The following ASTN1 variants were observed in gnomAD, a reference collection of about 807,000 sequenced individuals.
The protein encoded by ASTN1 is astrotactin 1.
Under a neutral mutation model 140.7 loss-of-function variants are expected in ASTN1, and 41 were observed. The observed-to-expected ratio is 0.29, with a 90% confidence interval of 0.23 to 0.38. ASTN1 has a LOEUF of 0.38. Ranked by LOEUF, ASTN1 falls within the 10% of genes least tolerant of loss-of-function variation. The pLI is 1.00. For missense variants in ASTN1, 1,479 were observed against 1,678.8 expected (o/e 0.88, Z 2.08); for synonymous variants, 640 against 652.2 (o/e 0.98, Z 0.29).
chr1:176,860,573 C>A (rs1229881773), downstream of ASTN1, among the ~76,000 whole-genome samples: 2 of 152,200 alleles, frequency 1.3e-5, no homozygotes, highest in Non-Finnish European at 2.9e-5. Context: ...CTACACAGTG[C>A]AAGACAGGAA....
intron 1 of ASTN1, among the ~76,000 whole-genome samples, chr1:177,147,365 A>G (rs1682766602): frequency 6.6e-6 from 1 of 152,232 alleles, no homozygotes; most frequent in Admixed American, 6.5e-5. Flanking sequence ...CATGCCAAAC[A>G]GCACTGTGCC....
chr1:177,131,914 G>T (rs1375785458), intron 1 of ASTN1, among the ~76,000 whole-genome samples: 1 of 152,042 alleles, frequency 6.6e-6, no homozygotes, highest in Non-Finnish European at 1.5e-5. Flanking sequence ...CAGCTTCTGT[G>T]GGAACTAATA....
intron 1 of ASTN1, among the ~76,000 whole-genome samples, chr1:177,131,534 T>A (rs1230758528): frequency 6.6e-6 from 1 of 152,150 alleles, no homozygotes; most frequent in Non-Finnish European, 1.5e-5. Flanking sequence ...AATTACATTT[T>A]TTTTTTAGAT....
Position 177,164,387 on chromosome 1 carries a change from G to C in ASTN1, c.283+7C>G. 1 of 1,581,104 alleles carries C rather than the reference G, an allele frequency of 6.3e-7. No individual in the cohort carries two copies. The highest frequency in any genetic ancestry group is 2.3e-5 in the East Asian group (1 of 44,288). On this transcript the variant is annotated splice_region_variant and intron_variant, in intron 1 of 22. Transcript: ENST00000361833. ...CTCCGGCCGCCTCGACCTCCCCCGG[G>C]ACTCACCCAGCACGAAGTAGGGCAG...
chr1:177,037,858 C>A (rs1009720978), intron 2 of ASTN1, among the ~76,000 whole-genome samples: 5 of 152,004 alleles, frequency 3.3e-5, no homozygotes, highest in Admixed American at 1.3e-4. Context: ...ATACATTTTT[C>A]TTTTTAAAAA....
At chr1:177,130,571 G>A (rs760484638) in intron 1 of ASTN1, among the ~76,000 whole-genome samples, 3 of 152,096 alleles carry the variant, frequency 2.0e-5, no homozygotes, top group Non-Finnish European at 4.4e-5. Context: ...ACTGGATGGT[G>A]CGCTGTCATT....
intron 8 of ASTN1, among the ~76,000 whole-genome samples, chr1:177,008,417 G>C (rs1209462117): frequency 1.3e-5 from 2 of 149,960 alleles, no homozygotes; most frequent in African/African-American, 2.5e-5. Flanking sequence ...GGAGAGGAAG[G>C]GGGGGTGGAG....
chr1:177,147,847 TAGG>T (rs572245446), intron 1 of ASTN1, among the ~76,000 whole-genome samples: 1 of 152,188 alleles, frequency 6.6e-6, no homozygotes, highest in Non-Finnish European at 1.5e-5. Context: ...AGGAGTCTGC[TAGG>T]AGAAAGACAC....
chr1:176,942,798 A>G (rs1671774970), intron 14 of ASTN1, among the ~76,000 whole-genome samples: 1 of 120,252 alleles, frequency 8.3e-6, no homozygotes, highest in Admixed American at 9.6e-5. Context: ...TCCCAGACCA[A>G]ACCAATGTAC....
intron 2 of ASTN1, among the ~76,000 whole-genome samples, chr1:177,040,990 G>A (rs887449814): frequency 7.2e-5 from 11 of 152,158 alleles, no homozygotes; most frequent in African/African-American, 2.7e-4. Context: ...CCAAAGAAAA[G>A]CAAAGGAGTG....
intron 21 of ASTN1, 73 bp from the exon 22 acceptor site, chr1:176,869,100 A>G: frequency 3.7e-6 from 4 of 1,087,110 alleles, no homozygotes; most frequent in Non-Finnish European, 3.7e-6. Flanking sequence ...CACATTATAT[A>G]TGATCTATAT....
intron 11 of ASTN1, among the ~76,000 whole-genome samples, chr1:176,957,343 C>T (rs1672451116): frequency 6.6e-6 from 1 of 151,954 alleles, no homozygotes; most frequent in Admixed American, 6.5e-5. Context: ...TAACTTACTT[C>T]TTTCATCACT....
chr1:177,141,332 G>A (rs1048040815), intron 1 of ASTN1, among the ~76,000 whole-genome samples: 1 of 152,122 alleles, frequency 6.6e-6, no homozygotes, highest in African/African-American at 2.4e-5. Flanking sequence ...AATGAATGAT[G>A]GGGGCTTGGG....
intron 1 of ASTN1, among the ~76,000 whole-genome samples, chr1:177,061,500 G>C (rs931894805): frequency 6.6e-6 from 1 of 152,026 alleles, no homozygotes; most frequent in Non-Finnish European, 1.5e-5. Flanking sequence ...AGTGAACCAG[G>C]CTCTCACCCA....
At chr1:177,049,153 C>T (rs1468111646) in intron 2 of ASTN1, among the ~76,000 whole-genome samples, 1 of 152,186 alleles carries the variant, frequency 6.6e-6, no homozygotes, top group Non-Finnish European at 1.5e-5. Flanking sequence ...ATATGTCCTT[C>T]ACTTTCACAT....
chr1:176,918,782 TC>T (rs1218125409), intron 16 of ASTN1, among the ~76,000 whole-genome samples: 1 of 152,128 alleles, frequency 6.6e-6, no homozygotes, highest in Non-Finnish European at 1.5e-5. Context: ...AGTGGTGCAT[TC>T]CTCTTGGTGG....
At chr1:177,128,604 A>C (rs918585332) in intron 1 of ASTN1, among the ~76,000 whole-genome samples, 5 of 152,200 alleles carry the variant, frequency 3.3e-5, no homozygotes, top group Non-Finnish European at 7.4e-5. Flanking sequence ...GTGACTCCCA[A>C]ATCAAAATCT....
At chr1:177,039,084 A>C (rs559754868) in intron 2 of ASTN1, among the ~76,000 whole-genome samples, 180 of 152,366 alleles carry the variant, frequency 1.2e-3, no homozygotes, top group African/African-American at 4.1e-3. Context: ...CCCTTGGCAG[A>C]GAAATGGAAA....
intron 1 of ASTN1, among the ~76,000 whole-genome samples, chr1:177,095,803 A>G (rs1680001552): frequency 6.6e-6 from 1 of 152,184 alleles, no homozygotes; most frequent in Non-Finnish European, 1.5e-5. Context: ...TTGCAACTCC[A>G]GACCAGTAGA....
Sources: gnomAD v4.1 joint callset for allele counts (sites outside exome capture counted in the v4.1 genomes callset) on GRCh38, gnomAD v4.1.1 for gene constraint, MANE v1.5 for transcripts, NCBI Gene and HGNC (gene_info 2026-07-23, HGNC 2026-07-21) for gene names.